Variants in CAPG observed in about 807,000 individuals in gnomAD.
CAPG encodes capping actin protein, gelsolin like.
Under a neutral mutation model 44.6 loss-of-function variants are expected in CAPG, and 32 were observed. The observed-to-expected ratio is 0.72, with a 90% CI of 0.54 to 0.96. The LOEUF is 0.96. Ranked by LOEUF, CAPG falls within the 50% of genes least tolerant of loss-of-function variation. The pLI, the probability that CAPG is intolerant of heterozygous loss-of-function variation, is 0.00. For synonymous variants in CAPG, 175 were observed against 179.6 expected (o/e 0.97, Z 0.20); for missense variants, 412 against 438.3 (o/e 0.94, Z 0.54).
At chr2:85,413,813 C>CCT (rs1453235384), upstream of CAPG, 1 of 152,252 alleles carries the variant, frequency 6.6e-6, no homozygotes, top group African/African-American at 2.4e-5. Context: ...ACGGACCCAC[C>CCT]CTCTCCCGCC....
chr2:85,416,471 G>C (rs1455822022), intron 1 of CAPG, among the ~76,000 whole-genome samples: 2 of 151,932 alleles, frequency 1.3e-5, no homozygotes, highest in Non-Finnish European at 2.9e-5. Flanking sequence ...GGGATCTTTT[G>C]CAATGCTCAA....
At chr2:85,391,979 C>A (rs1686389551), downstream of CAPG, among the ~76,000 whole-genome samples, 1 of 152,202 alleles carries the variant, frequency 6.6e-6, no homozygotes, top group African/African-American at 2.4e-5. Context: ...TCCTTGCAAG[C>A]TCTAGCCAGT....
chr2:85,408,337 G>GTCAC (rs1687263537), intron 1 of CAPG, among the ~76,000 whole-genome samples: 1 of 48,588 alleles, frequency 2.1e-5, no homozygotes, highest in Non-Finnish European at 4.3e-5. Context: ...GGAAGAATCT[G>GTCAC]TCACACACAC....
intron 7 of CAPG, 173 bp from the exon 8 acceptor site, chr2:85,398,325 C>A: frequency 1.4e-6 from 1 of 705,310 alleles, no homozygotes; most frequent in Admixed American, 3.0e-5. Context: ...TTCCAGGCAG[C>A]CCCACTCCCT....
chr2:85,405,176 T>C (rs1687087713), intron 1 of CAPG, among the ~76,000 whole-genome samples: 1 of 152,128 alleles, frequency 6.6e-6, no homozygotes, highest in Non-Finnish European at 1.5e-5. Flanking sequence ...TGAACACTTT[T>C]TCTGGACAAA....
rs114733789 is a variant in CAPG, at chr2:85,398,049, C to T, written c.863G>A (p.Gly288Glu). The stretch of plus-strand genomic sequence containing the variant: ...CCAGATATAGATCTTGCCACAGAGC[C>T]CGTTGTCCAGCACAAAGCAGTCATC... ...ISDDCFVLDNGLCGKIYIWKG... is the reference protein window; with the variant it reads ...ISDDCFVLDNELCGKIYIWKG... The change falls in exon 8 of 10, where the codon GGG becomes GAG. Residue 288 changes from glycine to glutamate, a missense_variant. Gly to Glu is a moderately conservative substitution (Grantham distance 98). Transcript: ENST00000263867. 8.1e-6 allele frequency: 13 copies of T among 1,614,022 alleles called. No homozygotes were observed. The African/African-American group carries it at 1.7e-4, about 22-fold the overall frequency.
At chr2:85,396,040 T>C (rs1686580961) in intron 8 of CAPG, 1 of 176,594 alleles carries the variant, frequency 5.7e-6, no homozygotes. Context: ...CAATTTATTA[T>C]AGAGGTGATT....
chr2:85,401,811 T>C lies in CAPG; in HGVS notation c.170A>G (p.Glu57Gly). The C allele has an allele frequency of 6.2e-7, 1 of 1,611,950 alleles. No homozygotes were observed. Residue 57 changes from glutamate to glycine, a missense_variant, in exon 3 of 10, where the codon GAG becomes GGG. Physicochemically the swap from Glu to Gly is moderately conservative, Grantham distance 98. Transcript: ENST00000263867. Reference protein sequence around the residue: ...SYLVLHNGPEEVSHLHLWIGQ... With the variant: ...SYLVLHNGPEGVSHLHLWIGQ... ...TATCCACAGGTGCAGATGGGAAACC[T>C]CTTCTGGGCCATTGTGCAGCACTAG...
chr2:85,411,614 G>T (rs1374653778), upstream of CAPG, among the ~76,000 whole-genome samples: 1 of 152,232 alleles, frequency 6.6e-6, no homozygotes, highest in Non-Finnish European at 1.5e-5. Flanking sequence ...GTCCTGGAAA[G>T]GTATTGGTCA....
downstream of CAPG, chr2:85,391,854 G>A (rs1015667730): frequency 1.3e-5 from 2 of 152,586 alleles, no homozygotes; most frequent in Non-Finnish European, 2.9e-5. Context: ...TGAAGGCATA[G>A]GTGGGTTCCA....
At chr2:85,393,974 A>G (rs143425500), downstream of CAPG, among the ~76,000 whole-genome samples, 5 of 152,368 alleles carry the variant, frequency 3.3e-5, no homozygotes, top group African/African-American at 1.2e-4. Context: ...CAGAAGCCAC[A>G]TAGTCCAGAG....
chr2:85,418,439 ACCCGGCCCCAG>A (rs1687623248), upstream of CAPG: 1 of 152,156 alleles, frequency 6.6e-6, no homozygotes, highest in Non-Finnish European at 1.5e-5. Flanking sequence ...TAAGGCCCCA[ACCCGGCCCCAG>A]CCTGGGCCCT....
chr2:85,411,620 G>C (rs560645431), upstream of CAPG, among the ~76,000 whole-genome samples: 9 of 152,316 alleles, frequency 5.9e-5, no homozygotes, highest in South Asian at 1.2e-3. Context: ...GAAAGGTATT[G>C]GTCAGCAGGC....
chr2:85,402,258 TTCA>T, intron 1 of CAPG, 100 bp from the exon 2 acceptor site: 1 of 842,892 alleles, frequency 1.2e-6, no homozygotes. Context: ...TACTTTCATA[TTCA>T]TCAACTACTC....
chr2:85,402,769 A>T (rs186457663), intron 1 of CAPG, among the ~76,000 whole-genome samples: 108 of 139,240 alleles, frequency 7.8e-4, no homozygotes, highest in African/African-American at 2.8e-3. Context: ...CCTGGCCTCA[A>T]GTTGGCTTTT....
intron 1 of CAPG, chr2:85,409,890 C>T (rs1478388790): frequency 6.6e-6 from 1 of 152,326 alleles, no homozygotes; most frequent in African/African-American, 2.4e-5. Context: ...CCACTCCCAC[C>T]CAAATAGCAT....
rs539292522 is a variant in CAPG, at chr2:85,395,288, G to A, written c.981+250C>T. 1.8e-4 allele frequency among the ~76,000 whole-genome samples: 28 copies of A among 152,324 alleles called. 1 individual carries two copies. The highest frequency in any genetic ancestry group is 5.8e-4 in the African/African-American group (24 of 41,574). On this transcript the variant is annotated intron_variant, in intron 9 of 9. Coordinates refer to ENST00000263867, the MANE Select transcript of CAPG (RefSeq NM_001747.4). The surrounding 1 kb of genome is among the most constrained non-coding windows in gnomAD (Gnocchi z 4.3). ...AGGGGTGGCACCAGCCAGGGACAAC[G>A]GCCCAGAGGAGGAGTACCCAGTTCT...
chr2:85,395,045 G>C lies in CAPG; in HGVS notation c.982-87C>G, dbSNP rs1411285670. On this transcript the variant is annotated intron_variant, in intron 9 of 9. Coordinates refer to ENST00000263867, the MANE Select transcript of CAPG (RefSeq NM_001747.4). This position sits in a 1 kb window ranked among gnomAD's most constrained non-coding sequence, Gnocchi z 4.3. ...AGGACAGGAGGGGGCCAGAGCCAGG[G>C]AGGAGGGTGTGGGCGCCTGGCCTGA... 3 of 924,372 alleles carry C rather than the reference G, an allele frequency of 3.2e-6. No individual in the cohort carries two copies. Among genetic ancestry groups the C allele is most frequent in the Admixed American group, 3.9e-5 (2 of 51,346 alleles). The allele number at this position is 924,372 out of a possible 1,614,324, so 57.3% of individuals were successfully genotyped here. A position where few individuals can be genotyped will look rare whatever the true frequency, so the allele number is the denominator to read the frequency against.
At chr2:85,414,281 T>G (rs1416894719), upstream of CAPG, among the ~76,000 whole-genome samples, 1 of 152,198 alleles carries the variant, frequency 6.6e-6, no homozygotes, top group East Asian at 1.9e-4. Context: ...TGTGAACAGC[T>G]ACTGTTCTGT....
Sources: gnomAD v4.1 joint callset for allele counts (sites outside exome capture counted in the v4.1 genomes callset) on GRCh38, gnomAD v4.1.1 for gene constraint, Gnocchi (gnomAD v3.1) non-coding constraint, MANE v1.5 for transcripts, NCBI Gene and HGNC (gene_info 2026-07-23, HGNC 2026-07-21) for gene names.